CRYBG1: variants seen among roughly 807,000 people sequenced by gnomAD.
CRYBG1 encodes the protein beta/gamma crystallin domain-containing protein 1.
A neutral mutation model predicts 189.2 loss-of-function variants in CRYBG1; 139 were observed. The observed-to-expected ratio is 0.73, with a 90% CI of 0.64 to 0.85. CRYBG1 has a LOEUF of 0.85. Among genes scored for constraint, CRYBG1 ranks in the 40% least tolerant of loss-of-function variants. The probability of loss-of-function intolerance (pLI) is 0.00; values close to 1 mark genes in which losing one functional copy is unlikely to be tolerated. For missense variants in CRYBG1, 2,611 were observed against 2,675.8 expected, an observed-to-expected ratio of 0.98 and a Z score of 0.53; for synonymous variants, 1,023 against 1,017.1, an observed-to-expected ratio of 1.01 and a Z score of -0.11.
chr6:106,545,019 C>A, intron 13 of CRYBG1, 86 bp downstream of exon 13: 1 of 1,049,824 alleles, frequency 9.5e-7, no homozygotes, highest in Non-Finnish European at 1.4e-6. Context: ...ACAGAGTAGG[C>A]ATTCAATACA....
Position 106,511,817 on chromosome 6 carries a change from C to A in CRYBG1, c.700C>A (p.Gln234Lys). The A allele has an allele frequency of 6.6e-7, 1 of 1,522,304 alleles. No individual in the cohort carries two copies. The highest frequency in any genetic ancestry group is 8.8e-7 in the Non-Finnish European group (1 of 1,138,162). The allele number at this position is 1,522,304 out of a possible 1,614,324, so 94.3% of individuals were successfully genotyped here. The change falls in exon 3 of 22, where the codon CAA becomes AAA. Residue 234 changes from glutamine to lysine, a missense_variant. Gln to Lys is a moderately conservative substitution (Grantham distance 53). This residue lies in a region of CRYBG1 where 985 missense variants were observed against 924.4 expected (regional missense o/e 1.07). Transcript: ENST00000633556. ...GCAGTGCCATGAAAATGATTCACCC[C>A]AATTAGAACCTCTGGAGGCAGAGGG... ...VQQCHENDSP[Q>K]LEPLEAEGEP...
Position 106,361,035 on chromosome 6 carries a change from G to C in CRYBG1, c.127G>C (p.Gly43Arg), listed in dbSNP as rs1771856884. The C allele has an allele frequency of 6.5e-7, 1 of 1,535,158 alleles. No homozygotes were observed. Among genetic ancestry groups the C allele is most frequent in the Non-Finnish European group, 8.7e-7 (1 of 1,146,642 alleles). ...GCAGCAGCCGGCGCCGCCTGACTGT[G>C]GGGTGTTCGTTCCGCACCCGCTCCC... ...KKQQPAPPDC[G>R]VFVPHPLPAP... The change falls in exon 1 of 22, where the codon GGG becomes CGG. Residue 43 changes from glycine to arginine, a missense_variant. Coordinates refer to ENST00000633556, the MANE Select transcript of CRYBG1 (RefSeq NM_001371242.2).
rs1351423387 is a variant in CRYBG1 at position 106,511,641 on chromosome 6, T to A, written c.524T>A (p.Leu175Gln). 6.5e-7 allele frequency: 1 copy of A among 1,535,756 alleles called. No individual in the cohort carries two copies. ...AGGAGCAGATCTCAGAGCAGCCAACTGAAGCAAACGGACACAAGCGAGGAG... is the reference window on the plus strand; with the variant it reads ...AGGAGCAGATCTCAGAGCAGCCAACAGAAGCAAACGGACACAAGCGAGGAG... ...SERSRSQSSQ[L>Q]KQTDTSEEGS... The change falls in exon 3 of 22, where the codon CTG (leucine) becomes CAG (glutamine). Residue 175 changes from leucine (L) to glutamine (Q), a missense_variant. By Grantham distance (113) the Leu-to-Gln change is moderately radical. Coordinates refer to ENST00000633556, the MANE Select transcript of CRYBG1 (RefSeq NM_001371242.2).
chr6:106,423,919 G>A (rs937689113), intron 1 of CRYBG1, among the ~76,000 whole-genome samples: 17 of 151,814 alleles, frequency 1.1e-4, no homozygotes, highest in African/African-American at 4.1e-4. Context: ...TGCCCAGGCT[G>A]GTCTCGAACT....
chr6:106,546,335 T>C (rs1307384110), intron 13 of CRYBG1, among the ~76,000 whole-genome samples: 6 of 152,262 alleles, frequency 3.9e-5, no homozygotes, highest in Non-Finnish European at 7.3e-5. Context: ...CTCAAATAGT[T>C]ACATGAAATA....
intron 2 of CRYBG1, among the ~76,000 whole-genome samples, chr6:106,497,199 G>T (rs1772870382): frequency 6.6e-6 from 1 of 151,634 alleles, no homozygotes; most frequent in Non-Finnish European, 1.5e-5. Context: ...TGGAATGGGT[G>T]AAGAATAAAA....
intron 6 of CRYBG1, 71 bp from the exon 7 acceptor site, chr6:106,527,234 C>T (rs1006967543): frequency 7.4e-7 from 1 of 1,344,548 alleles, no homozygotes; most frequent in Admixed American, 2.4e-5. Context: ...TGGCAATTAG[C>T]CAGGTTATTT....
intron 9 of CRYBG1, 62 bp downstream of exon 9, chr6:106,539,591 A>G: frequency 1.3e-6 from 2 of 1,551,564 alleles, no homozygotes; most frequent in Non-Finnish European, 1.7e-6. Context: ...GGTAATTCAC[A>G]GGGTGTGACT....
intron 1 of CRYBG1, among the ~76,000 whole-genome samples, chr6:106,437,398 A>G (rs931476540): frequency 1.3e-5 from 2 of 151,742 alleles, no homozygotes; most frequent in Admixed American, 6.6e-5. Context: ...ATTTTTGCAT[A>G]GTAAAACTAC....
chr6:106,541,231 A>AG (rs1373889031), intron 9 of CRYBG1: 1 of 491,806 alleles, frequency 2.0e-6, no homozygotes, highest in East Asian at 6.2e-5. Flanking sequence ...CAGAAGCCGA[A>AG]GACAGTGGCC....
In CRYBG1 at chr6:106,360,770, C is replaced by G. The variant is rs568704052; in HGVS notation, c.-139C>G. ...GTTCTGCAACCCGCGGCCGTCCCCC[C>G]GCATCCGCGACGAGGGGGCGGGGTC... On this transcript the variant is annotated 5_prime_UTR_variant, in exon 1 of 22. Coordinates refer to ENST00000633556, the MANE Select transcript of CRYBG1 (RefSeq NM_001371242.2). 34 of 1,028,572 alleles carry G rather than the reference C, an allele frequency of 3.3e-5. No individual in the cohort carries two copies. The highest frequency in any genetic ancestry group is 1.4e-4 in the African/African-American group (8 of 58,564). 63.7% of individuals were successfully genotyped at this position (1,028,572 alleles called of 1,614,324 possible).
chr6:106,365,285 G>A (rs1228312588), intron 1 of CRYBG1, among the ~76,000 whole-genome samples: 1 of 152,014 alleles, frequency 6.6e-6, no homozygotes, highest in African/African-American at 2.4e-5. Flanking sequence ...AAATTAGCCA[G>A]GGGTGGTGGC....
intron 2 of CRYBG1, among the ~76,000 whole-genome samples, chr6:106,488,894 G>C (rs1772653061): frequency 6.6e-6 from 1 of 152,140 alleles, no homozygotes; most frequent in Admixed American, 6.5e-5. Flanking sequence ...TCCAAATATG[G>C]GTCCAGTTTC....
At position 106,568,658 on chromosome 6, in the gene CRYBG1, G is replaced by A; in HGVS notation, c.*92G>A. 1 of 856,486 alleles carries A rather than the reference G, an allele frequency of 1.2e-6. No homozygotes were observed. The highest frequency in any genetic ancestry group is 1.6e-5 in the South Asian group (1 of 63,362). The allele number at this position is 856,486 out of a possible 1,614,324, so 53.1% of individuals were successfully genotyped here. Reference sequence around the variant, plus strand: ...TGATGGAAGACCAGACTGGAAAGTGGATCGACTCCTCCTTCATTGATTCTA... The same window carrying A: ...TGATGGAAGACCAGACTGGAAAGTGAATCGACTCCTCCTTCATTGATTCTA... On this transcript the variant is annotated 3_prime_UTR_variant, in exon 22 of 22. Transcript: ENST00000633556.
At chr6:106,444,454 T>C (rs1319468921) in intron 1 of CRYBG1, among the ~76,000 whole-genome samples, 1 of 152,196 alleles carries the variant, frequency 6.6e-6, no homozygotes, top group Non-Finnish European at 1.5e-5. Context: ...TCCTGGGGAT[T>C]TGCACAATTC....
At chr6:106,398,833 T>C (rs556525864) in intron 1 of CRYBG1, among the ~76,000 whole-genome samples, 84 of 152,344 alleles carry the variant, frequency 5.5e-4, no homozygotes, top group African/African-American at 2.0e-3. Context: ...TATAGGCCTG[T>C]TTCTCTCCAC....
At chr6:106,381,418 A>G (rs1770285869) in intron 1 of CRYBG1, among the ~76,000 whole-genome samples, 1 of 152,056 alleles carries the variant, frequency 6.6e-6, no homozygotes, top group Non-Finnish European at 1.5e-5. Context: ...TCTTTCAACC[A>G]TGAATTCTAA....
chr6:106,399,634 G>A (rs111650767), intron 1 of CRYBG1, among the ~76,000 whole-genome samples: 83 of 150,078 alleles, frequency 5.5e-4, no homozygotes, highest in Middle Eastern at 3.5e-3. Flanking sequence ...TTTTCCGATC[G>A]GTCCTTTTTT....
chr6:106,496,409 C>A (rs755319740), intron 2 of CRYBG1, among the ~76,000 whole-genome samples: 5 of 152,160 alleles, frequency 3.3e-5, no homozygotes, highest in Non-Finnish European at 5.9e-5. Flanking sequence ...ACTACACTGA[C>A]AAATCATCTT....
Sources: allele counts gnomAD v4.1 joint callset (sites outside exome capture counted in the v4.1 genomes callset), GRCh38; gene constraint gnomAD v4.1.1; regional missense constraint gnomAD v4.1.1; transcripts MANE v1.5; gene names NCBI Gene and HGNC (gene_info 2026-07-23, HGNC 2026-07-21).